The following NPAT variants were observed in gnomAD, a reference collection of about 807,000 sequenced individuals.
NPAT encodes protein NPAT.
A neutral mutation model predicts 130.7 loss-of-function variants in NPAT; 52 were observed. The ratio of observed to expected loss-of-function variants is 0.40; its 90% CI spans 0.32 to 0.50. NPAT has a LOEUF of 0.50. Ranked by LOEUF, NPAT falls within the 20% of genes least tolerant of loss-of-function variation. The pLI, the probability that NPAT is intolerant of heterozygous loss-of-function variation, is 0.68. For synonymous variants in NPAT, 580 were observed against 584.8 expected, an observed-to-expected ratio of 0.99 and a Z score of 0.12; for missense variants, 1,687 against 1,662.6, an observed-to-expected ratio of 1.01 and a Z score of -0.26.
chr11:108,169,479 G>A (rs1204490472), intron 15 of NPAT, among the ~76,000 whole-genome samples: 6 of 152,174 alleles, frequency 3.9e-5, no homozygotes, highest in Non-Finnish European at 2.9e-5. Context: ...GAAAAATAGG[G>A]ACTATACTTA....
At chr11:108,216,916 GTAAA>G (rs1405223934) in intron 1 of NPAT, among the ~76,000 whole-genome samples, 1 of 152,100 alleles carries the variant, frequency 6.6e-6, no homozygotes, top group African/African-American at 2.4e-5. Flanking sequence ...AAATAATGTA[GTAAA>G]TAGTTGACTA....
In NPAT at chr11:108,186,780, A is replaced by G. The variant is rs867332088; in HGVS notation, c.639-211T>C. Among the ~76,000 whole-genome samples the G allele has an allele frequency of 3.3e-5, 5 of 152,320 alleles. No homozygotes were observed. In the Middle Eastern group the frequency reaches 0.01, roughly 311 times the overall value. On this transcript the variant is annotated intron_variant, in intron 7 of 17. Coordinates refer to ENST00000278612, the MANE Select transcript of NPAT (RefSeq NM_002519.3). Reference sequence around the variant, plus strand: ...TCTGCACTAGGAAGCCCATGTATTCAAAAAGTCAGCACACTGCATATAGGC... The same window carrying G: ...TCTGCACTAGGAAGCCCATGTATTCGAAAAGTCAGCACACTGCATATAGGC...
At position 108,186,523 on chromosome 11, in the gene NPAT, T is replaced by C. The variant is rs2078109605; in HGVS notation, c.685A>G (p.Ile229Val). The change falls in exon 8 of 18, where the codon ATA becomes GTA. Residue 229 changes from isoleucine to valine, a missense_variant. This residue lies in a region of NPAT where 307 missense variants were observed against 298.9 expected (regional missense o/e 1.03). Transcript: ENST00000278612. ...GCGTTTGGATCTTGGAAATTCCGTA[T>C]TGTTGAATGAGGGCCAGACAAAGTG... ...STTLSGPHST[I>V]RNFQDPNAFA... 1 of 1,614,138 alleles carries C rather than the reference T, an allele frequency of 6.2e-7. No homozygotes were observed. Among genetic ancestry groups the C allele is most frequent in the African/African-American group, 1.3e-5 (1 of 75,054 alleles).
At chr11:108,174,818 C>T (rs1345951719) in intron 12 of NPAT, among the ~76,000 whole-genome samples, 1 of 151,890 alleles carries the variant, frequency 6.6e-6, no homozygotes, top group African/African-American at 2.4e-5. Flanking sequence ...GCGGTTTCAC[C>T]GTGTTGGCTA....
chr11:108,213,597 T>G (rs1238786969), intron 1 of NPAT, among the ~76,000 whole-genome samples: 1 of 152,198 alleles, frequency 6.6e-6, no homozygotes, highest in Non-Finnish European at 1.5e-5. Context: ...CACCGATACA[T>G]TCAACACAAT....
At chr11:108,209,113 T>C (rs981362896) in intron 1 of NPAT, among the ~76,000 whole-genome samples, 2 of 151,590 alleles carry the variant, frequency 1.3e-5, no homozygotes, top group African/African-American at 4.9e-5. Context: ...ACTCCGTCTC[T>C]ACTAACAATA....
At chr11:108,216,638 T>C (rs1176861846) in intron 1 of NPAT, among the ~76,000 whole-genome samples, 1 of 111,016 alleles carries the variant, frequency 9.0e-6, no homozygotes, top group Non-Finnish European at 1.9e-5. Flanking sequence ...ATATTGTCAT[T>C]TGTGCTAGCA....
intron 12 of NPAT, 22 bp downstream of exon 12, chr11:108,176,224 A>G (rs1453891941): frequency 4.6e-6 from 7 of 1,505,586 alleles, no homozygotes; most frequent in Non-Finnish European, 6.5e-6. Flanking sequence ...GATTGATGAT[A>G]TTAACAAAAT....
At position 108,157,621 on chromosome 11, in the gene NPAT, C is replaced by T. The variant is rs2077809066; in HGVS notation, c.*1321G>A. The T allele has an allele frequency of 6.6e-6, 1 of 151,526 alleles. No homozygotes were observed. Among genetic ancestry groups the T allele is most frequent in the Non-Finnish European group, 1.5e-5 (1 of 67,838 alleles). 9.4% of individuals were successfully genotyped at this position (151,526 alleles called of 1,614,324 possible). A position where few individuals can be genotyped will look rare whatever the true frequency, so the allele number is the denominator to read the frequency against. On this transcript the variant is annotated 3_prime_UTR_variant, in exon 18 of 18. Transcript: ENST00000278612. ...GGATGGATTTATTTTTTTAAAGGCC[C>T]AGTACAAAAAAATGGTTGAGGAAAG... is the stretch of plus-strand genomic sequence containing the variant.
rs1339472391 is a variant in NPAT at position 108,177,762 on chromosome 11, CTGGAG to C, written c.907-677_907-673del. Among the ~76,000 whole-genome samples the C allele has an allele frequency of 7.9e-5, 12 of 152,068 alleles. No individual in the cohort carries two copies. The East Asian group carries it at 2.3e-3, about 29-fold the overall frequency. On this transcript the variant is annotated intron_variant, in intron 10 of 17. Transcript: ENST00000278612. ...ACAGGGTGTCACTCTGTCACCCAAG[CTGGAG>C]TGGAATGCAGTGGCGCAATCACAGT...
At chr11:108,197,809 C>T (rs910880157) in intron 1 of NPAT, among the ~76,000 whole-genome samples, 14 of 152,150 alleles carry the variant, frequency 9.2e-5, no homozygotes, top group African/African-American at 3.4e-4. Flanking sequence ...TATGTTCTCA[C>T]AACACTGCTA....
intron 17 of NPAT, among the ~76,000 whole-genome samples, chr11:108,160,294 G>A (rs1351227553): frequency 2.0e-5 from 3 of 152,132 alleles, no homozygotes; most frequent in Non-Finnish European, 4.4e-5. Flanking sequence ...TTGCACTCCA[G>A]CCTGGGCAAC....
In NPAT at chr11:108,158,208, G is replaced by C. The variant is rs548924464; in HGVS notation, c.*734C>G. 5 of 152,304 alleles carry C rather than the reference G, an allele frequency of 3.3e-5. No homozygotes were observed. The South Asian group carries it at 1.0e-3, about 32-fold the overall frequency. 9.4% of individuals were successfully genotyped at this position (152,304 alleles called of 1,614,324 possible). A position where few individuals can be genotyped will look rare whatever the true frequency, so the allele number is the denominator to read the frequency against. ...CAAACCAAAATTTTATGGCTCAATA[G>C]TCTAACCACTTAAAGTTCTGTAAAA... is the stretch of plus-strand genomic sequence containing the variant. On this transcript the variant is annotated 3_prime_UTR_variant, in exon 18 of 18. Coordinates refer to ENST00000278612, the MANE Select transcript of NPAT (RefSeq NM_002519.3).
intron 1 of NPAT, among the ~76,000 whole-genome samples, chr11:108,206,095 T>G (rs1343439400): frequency 6.6e-6 from 1 of 152,232 alleles, no homozygotes; most frequent in Non-Finnish European, 1.5e-5. Context: ...GTGTTTGTTG[T>G]ACGTAAACTT....
At chr11:108,184,195 G>A (rs11212543) in intron 10 of NPAT, among the ~76,000 whole-genome samples, 79,922 of 151,840 alleles carry the variant, frequency 0.53, 21,872 homozygotes, top group Middle Eastern at 0.73. Flanking sequence ...TTTATTGGCC[G>A]GGCACGGTGG....
At position 108,193,962 on chromosome 11, in the gene NPAT, G is replaced by C; in HGVS notation, c.212C>G (p.Thr71Arg). ...CTCCAAATCAGAACTCTTACCTTTT[G>C]TTTTCATAGCTACATACTCATTTAA... ...TILNEYVAMK[T>R]KETSNNVPAI... is the part of the protein sequence containing the mutation. The change falls in exon 3 of 18, where the codon ACA (threonine) becomes AGA (arginine). Residue 71 changes from threonine (T) to arginine (R), a missense_variant. Around this residue, in one of 3 missense-constraint regions of NPAT, gnomAD observed 307 missense variants for 298.9 expected, o/e 1.03. Transcript: ENST00000278612. The C allele has an allele frequency of 6.4e-7, 1 of 1,559,008 alleles. No homozygotes were observed. Among genetic ancestry groups the C allele is most frequent in the Non-Finnish European group, 8.8e-7 (1 of 1,130,930 alleles).
intron 15 of NPAT, among the ~76,000 whole-genome samples, chr11:108,165,579 C>T (rs1480854262): frequency 1.3e-5 from 2 of 151,010 alleles, no homozygotes; most frequent in East Asian, 2.0e-4. Flanking sequence ...ATCCTCCCAC[C>T]TCAGCATCTC....
At chr11:108,194,577 G>A (rs1354669000) in intron 2 of NPAT, among the ~76,000 whole-genome samples, 1 of 152,164 alleles carries the variant, frequency 6.6e-6, no homozygotes, top group Non-Finnish European at 1.5e-5. Flanking sequence ...GCTGAGTAGT[G>A]GAGTATTGCT....
Position 108,185,216 on chromosome 11 carries a change from C to A in NPAT, c.906+16G>T, listed in dbSNP as rs767062262. ...AGTAACACACACGCACCCATGCACA[C>A]CCCAACCACCCATACCGGAAGTCCT... On this transcript the variant is annotated intron_variant, in intron 10 of 17. Coordinates refer to ENST00000278612, the MANE Select transcript of NPAT (RefSeq NM_002519.3). The A allele has an allele frequency of 1.3e-6, 2 of 1,583,464 alleles. No individual in the cohort carries two copies. The highest frequency in any genetic ancestry group is 2.2e-5 in the East Asian group (1 of 44,630).
Sources: gnomAD v4.1 joint callset for allele counts (sites outside exome capture counted in the v4.1 genomes callset) on GRCh38, gnomAD v4.1.1 for gene constraint, gnomAD v4.1.1 regional missense constraint, MANE v1.5 for transcripts, NCBI Gene and HGNC (gene_info 2026-07-23, HGNC 2026-07-21) for gene names.